PRELID2: variants seen among roughly 807,000 people sequenced by gnomAD.
PRELID2 encodes PRELI domain containing 2.
Under a neutral mutation model 28.4 loss-of-function variants are expected in PRELID2, and 25 were observed. That is an observed-to-expected ratio of 0.88 (90% CI 0.64 to 1.23). The LOEUF (loss-of-function observed/expected upper bound fraction) is 1.23. Ranked by LOEUF, PRELID2 falls within the 50% of genes most tolerant of loss-of-function variation. The pLI, the probability that PRELID2 is intolerant of heterozygous loss-of-function variation, is 0.00. For missense variants in PRELID2, 201 were observed against 214.4 expected (o/e 0.94, Z 0.39); for synonymous variants, 76 against 71.6 (o/e 1.06, Z -0.31).
chr5:145,404,964 C>T, the PRELID2 span, among the ~76,000 whole-genome samples: 4 of 151,984 alleles, frequency 2.6e-5, no homozygotes, highest in Admixed American at 6.6e-5. Context: ...ATGGAGGCCC[C>T]GCTGCACATA....
intron 1 of PRELID2, among the ~76,000 whole-genome samples, chr5:145,528,070 C>T (rs1171044808): frequency 6.6e-6 from 1 of 152,144 alleles, no homozygotes; most frequent in Non-Finnish European, 1.5e-5. Context: ...GCTAACCCTT[C>T]AGCTCCTCCA....
intron 1 of PRELID2, among the ~76,000 whole-genome samples, chr5:145,702,234 G>A (rs1424022499): frequency 6.6e-6 from 1 of 152,086 alleles, no homozygotes; most frequent in Non-Finnish European, 1.5e-5. Context: ...GCAAATTTAT[G>A]ATCATCTGAG....
chr5:145,438,100 T>C, the PRELID2 span, among the ~76,000 whole-genome samples: 3 of 152,048 alleles, frequency 2.0e-5, no homozygotes, highest in African/African-American at 4.8e-5. Context: ...TCTGCAATAA[T>C]TGGACTGAGG....
chr5:145,573,974 T>C (rs1289557016), intron 1 of PRELID2, among the ~76,000 whole-genome samples: 1 of 152,166 alleles, frequency 6.6e-6, no homozygotes, highest in Non-Finnish European at 1.5e-5. Flanking sequence ...CTGGAAACAA[T>C]GGATATGTTA....
chr5:145,494,036 A>C (rs1752289393), intron 1 of PRELID2, among the ~76,000 whole-genome samples: 1 of 152,136 alleles, frequency 6.6e-6, no homozygotes, highest in Non-Finnish European at 1.5e-5. Context: ...CTGAACATTT[A>C]CTTAGATTCA....
intron 1 of PRELID2, among the ~76,000 whole-genome samples, chr5:145,604,721 C>A (rs976808452): frequency 6.8e-6 from 1 of 147,734 alleles, no homozygotes; most frequent in African/African-American, 2.5e-5. Context: ...CTTATCTCCA[C>A]AACCTCACCA....
the PRELID2 span, among the ~76,000 whole-genome samples, chr5:145,424,633 A>G: frequency 2.0e-5 from 3 of 152,010 alleles, no homozygotes; most frequent in African/African-American, 7.2e-5. Flanking sequence ...GGCACTCCCT[A>G]GTGAGATGAA....
chr5:145,412,778 A>G, the PRELID2 span, among the ~76,000 whole-genome samples: 1 of 152,188 alleles, frequency 6.6e-6, no homozygotes, highest in Non-Finnish European at 1.5e-5. Context: ...TTATTTATAA[A>G]GGAAAGACAT....
At chr5:145,770,572 T>C (rs1758040254) in intron 5 of PRELID2, among the ~76,000 whole-genome samples, 1 of 152,176 alleles carries the variant, frequency 6.6e-6, no homozygotes, top group Non-Finnish European at 1.5e-5. Context: ...GAAGAAGGCA[T>C]TGTTATCACA....
intron 1 of PRELID2, among the ~76,000 whole-genome samples, chr5:145,746,401 C>T (rs983330060): frequency 1.3e-5 from 2 of 152,096 alleles, no homozygotes; most frequent in African/African-American, 2.4e-5. Context: ...ACAAAACAGA[C>T]TTTAAACCAA....
chr5:145,731,102 ATTTCGTGTTTC>A (rs1350574121), intron 1 of PRELID2, among the ~76,000 whole-genome samples: 5 of 152,326 alleles, frequency 3.3e-5, no homozygotes, highest in African/African-American at 9.6e-5. Flanking sequence ...TGCCAGCTGC[ATTTCGTGTTTC>A]TTTCCTCTTT....
intron 1 of PRELID2, among the ~76,000 whole-genome samples, chr5:145,530,356 A>G (rs912071647): frequency 1.3e-5 from 2 of 152,256 alleles, no homozygotes; most frequent in African/African-American, 2.4e-5. Context: ...TAAATAATTC[A>G]TTACAAACTC....
chr5:145,270,042 T>G, the PRELID2 span, among the ~76,000 whole-genome samples: 1 of 151,624 alleles, frequency 6.6e-6, no homozygotes, highest in African/African-American at 2.4e-5. Flanking sequence ...AAGATACAAT[T>G]GCACACAGGC....
At chr5:145,791,671 A>T (rs1053753701) in intron 5 of PRELID2, among the ~76,000 whole-genome samples, 1 of 152,162 alleles carries the variant, frequency 6.6e-6, no homozygotes, top group African/African-American at 2.4e-5. Context: ...CTGCACAACA[A>T]TGTGAGTGTA....
At chr5:145,364,156 G>A in the PRELID2 span, among the ~76,000 whole-genome samples, 1 of 151,762 alleles carries the variant, frequency 6.6e-6, no homozygotes, top group Non-Finnish European at 1.5e-5. Flanking sequence ...AATACCAAAG[G>A]TAAACAAAAC....
chr5:145,490,836 C>T (rs762913783), intron 1 of PRELID2, among the ~76,000 whole-genome samples: 24 of 152,088 alleles, frequency 1.6e-4, no homozygotes, highest in Non-Finnish European at 2.6e-4. Flanking sequence ...TCCATGACAA[C>T]GACTAACTAA....
intron 5 of PRELID2, among the ~76,000 whole-genome samples, chr5:145,769,150 C>A (rs1188156714): frequency 6.6e-6 from 1 of 152,196 alleles, no homozygotes; most frequent in Non-Finnish European, 1.5e-5. Context: ...AGTGGATCTA[C>A]CTTTATAGAT....
chr5:145,592,175 G>A (rs1016893213), intron 1 of PRELID2, among the ~76,000 whole-genome samples: 1 of 152,150 alleles, frequency 6.6e-6, no homozygotes, highest in African/African-American at 2.4e-5. Context: ...CCACCACTTT[G>A]GGAGGCTGAG....
At chr5:145,453,528 T>C in the PRELID2 span, among the ~76,000 whole-genome samples, 1 of 152,158 alleles carries the variant, frequency 6.6e-6, no homozygotes, top group Non-Finnish European at 1.5e-5. Context: ...GTTTGTTACA[T>C]AGGTATACAG....
Sources: allele counts gnomAD v4.1 joint callset (sites outside exome capture counted in the v4.1 genomes callset), GRCh38; gene constraint gnomAD v4.1.1; transcripts MANE v1.5; gene names NCBI Gene and HGNC (gene_info 2026-07-23, HGNC 2026-07-21).